DENND1A: variants seen among roughly 807,000 people sequenced by gnomAD.
DENND1A encodes the protein DENN domain-containing protein 1A.
DENND1A carries 51 observed loss-of-function variants against 113.7 expected under a neutral mutation model. The ratio of observed to expected loss-of-function variants is 0.45; its 90% confidence interval spans 0.36 to 0.57. The LOEUF (loss-of-function observed/expected upper bound fraction) is 0.57. Ranked by LOEUF, DENND1A falls within the 20% of genes least tolerant of loss-of-function variation. The pLI is 0.00. For synonymous variants in DENND1A, 565 were observed against 570.8 expected (o/e 0.99, Z 0.14); for missense variants, 1,258 against 1,395.9 (o/e 0.90, Z 1.57).
rs115862739 is a variant in DENND1A at position 123,680,525 on chromosome 9, T to C, written c.303-3736A>G. ...ATGGTCTGTGTAAACACAAAGTAGT[T>C]AACCTGAGTTGTGGGGTCAGGCTGA... On this transcript the variant is annotated intron_variant, in intron 5 of 23. Coordinates refer to ENST00000394215, the MANE Select transcript of DENND1A (RefSeq NM_001352964.2). Among the ~76,000 whole-genome samples, 958 of 152,322 alleles carry C rather than the reference T, an allele frequency of 6.3e-3. 15 individuals are homozygous for C. The highest frequency in any genetic ancestry group is 0.022 in the African/African-American group (908 of 41,580).
intron 1 of DENND1A, among the ~76,000 whole-genome samples, chr9:123,909,408 A>T (rs1853544925): frequency 6.7e-6 from 1 of 150,178 alleles, no homozygotes; most frequent in Non-Finnish European, 1.5e-5. Context: ...AATAAAAAAT[A>T]AAAATAAATA....
At chr9:123,530,120 T>G (rs2055176512) in intron 13 of DENND1A, among the ~76,000 whole-genome samples, 1 of 152,038 alleles carries the variant, frequency 6.6e-6, no homozygotes, top group Non-Finnish European at 1.5e-5. Context: ...TATAGGAGTT[T>G]CCAGAATAAA....
intron 9 of DENND1A, among the ~76,000 whole-genome samples, chr9:123,631,245 A>G (rs2061462693): frequency 6.6e-6 from 1 of 152,192 alleles, no homozygotes; most frequent in Admixed American, 6.5e-5. Context: ...TACTCCTTGT[A>G]GTCAAGTTAG....
intron 3 of DENND1A, among the ~76,000 whole-genome samples, chr9:123,775,404 G>T (rs10818870): frequency 6.6e-6 from 1 of 152,004 alleles, no homozygotes; most frequent in Non-Finnish European, 1.5e-5. Context: ...TGAAAGGAAG[G>T]GGGGAGGAGG....
chr9:123,540,029 G>A (rs2056167519), intron 13 of DENND1A, among the ~76,000 whole-genome samples: 1 of 152,054 alleles, frequency 6.6e-6, no homozygotes, highest in Non-Finnish European at 1.5e-5. Context: ...ACACTTCTTT[G>A]TAAACAGTGT....
intron 6 of DENND1A, among the ~76,000 whole-genome samples, chr9:123,672,233 T>C (rs2063800597): frequency 6.6e-6 from 1 of 152,104 alleles, no homozygotes; most frequent in Non-Finnish European, 1.5e-5. Flanking sequence ...AAGTAGTGAA[T>C]TTAACGAAAG....
Position 123,929,876 on chromosome 9 carries a change from C to A in DENND1A, c.17+13G>T. On this transcript the variant is annotated intron_variant, in intron 1 of 23. Transcript: ENST00000394215. ...GCGCCCGGCCCGGCTCCGCCCGGCC[C>A]GGCCGCACTCACTTGATCCTGGAGC... The A allele has an allele frequency of 6.5e-6, 2 of 306,366 alleles. No individual in the cohort carries two copies. Among genetic ancestry groups the A allele is most frequent in the South Asian group, 5.4e-5 (1 of 18,654 alleles). The allele number at this position is 306,366 out of a possible 1,614,324, so 19.0% of individuals were successfully genotyped here.
At chr9:123,497,960 GGTT>G (rs2052096298) in intron 13 of DENND1A, among the ~76,000 whole-genome samples, 1 of 152,296 alleles carries the variant, frequency 6.6e-6, no homozygotes, top group East Asian at 1.9e-4. Flanking sequence ...CAGAGAGAAA[GGTT>G]GTAATTACTG....
At chr9:123,863,825 T>A (rs1397668508) in intron 2 of DENND1A, among the ~76,000 whole-genome samples, 1 of 152,182 alleles carries the variant, frequency 6.6e-6, no homozygotes, top group Non-Finnish European at 1.5e-5. Context: ...ACATGCTATG[T>A]CCTCTATAGG....
chr9:123,403,817 G>C (rs888582804), intron 20 of DENND1A, among the ~76,000 whole-genome samples: 2 of 152,184 alleles, frequency 1.3e-5, no homozygotes, highest in Non-Finnish European at 2.9e-5. Context: ...CATAGGACCC[G>C]GAACAAAGAG....
At chr9:123,468,915 G>T (rs754912621) in intron 13 of DENND1A, among the ~76,000 whole-genome samples, 14 of 152,224 alleles carry the variant, frequency 9.2e-5, no homozygotes, top group Non-Finnish European at 1.9e-4. Context: ...CTTCTGAAAT[G>T]ATTTCCACTT....
intron 19 of DENND1A, among the ~76,000 whole-genome samples, chr9:123,416,796 T>C (rs1360918469): frequency 1.3e-5 from 2 of 152,212 alleles, no homozygotes; most frequent in South Asian, 4.1e-4. Context: ...TGTCACAGAG[T>C]GGAAGGATTC....
chr9:123,895,366 A>C (rs1348189513), intron 1 of DENND1A, among the ~76,000 whole-genome samples: 1 of 152,190 alleles, frequency 6.6e-6, no homozygotes, highest in Non-Finnish European at 1.5e-5. Context: ...CACACCTGTA[A>C]TCCCAGCACT....
chr9:123,467,490 C>T (rs868431385), intron 13 of DENND1A, among the ~76,000 whole-genome samples: 1 of 152,096 alleles, frequency 6.6e-6, no homozygotes, highest in African/African-American at 2.4e-5. Flanking sequence ...CCCATCTCTA[C>T]TAAAAATACA....
At position 123,510,375 on chromosome 9, in the gene DENND1A, G is replaced by T. The variant is rs189789191; in HGVS notation, c.993+47195C>A. Among the ~76,000 whole-genome samples, 298 of 152,330 alleles carry T rather than the reference G, an allele frequency of 2.0e-3. 5 individuals carry two copies. Among genetic ancestry groups the T allele is most frequent in the Non-Finnish European group, 6.3e-4 (43 of 68,036 alleles). ...AAATACACAATAGAATGATCAGTGT[G>T]AGCACACAAGGACACATCCCCAACT... On this transcript the variant is annotated intron_variant, in intron 13 of 23. Coordinates refer to ENST00000394215, the MANE Select transcript of DENND1A (RefSeq NM_001352964.2).
chr9:123,696,789 C>T (rs933334256), intron 5 of DENND1A, among the ~76,000 whole-genome samples: 12 of 152,066 alleles, frequency 7.9e-5, no homozygotes, highest in African/African-American at 2.2e-4. Context: ...CATTAGACAG[C>T]GAAGGGGCAG....
chr9:123,670,619 T>C (rs1280796553), intron 7 of DENND1A, among the ~76,000 whole-genome samples: 1 of 152,148 alleles, frequency 6.6e-6, no homozygotes, highest in East Asian at 1.9e-4. Flanking sequence ...TTTATAGGCA[T>C]TCAAAGAAAC....
At chr9:123,880,019 C>T (rs866657440) in intron 1 of DENND1A, among the ~76,000 whole-genome samples, 7 of 151,912 alleles carry the variant, frequency 4.6e-5, no homozygotes, top group East Asian at 1.9e-4. Context: ...TGTTTATTTA[C>T]GTATTTATTT....
chr9:123,689,214 G>A (rs750401753), intron 5 of DENND1A, among the ~76,000 whole-genome samples: 16 of 152,052 alleles, frequency 1.1e-4, no homozygotes, highest in African/African-American at 2.9e-4. Context: ...TAGTAAAGAC[G>A]GGGTTTCATC....
Sources: allele counts gnomAD v4.1 joint callset (sites outside exome capture counted in the v4.1 genomes callset), GRCh38; gene constraint gnomAD v4.1.1; transcripts MANE v1.5; gene names NCBI Gene and HGNC (gene_info 2026-07-23, HGNC 2026-07-21).